NAALADL2: variants seen among roughly 807,000 people sequenced by gnomAD.
The protein encoded by NAALADL2 is N-acetylated alpha-linked acidic dipeptidase like 2.
Under a neutral mutation model 87.2 loss-of-function variants are expected in NAALADL2, and 76 were observed. The observed-to-expected ratio is 0.87, with a 90% CI of 0.72 to 1.05. The LOEUF (loss-of-function observed/expected upper bound fraction) is 1.05. Ranked by LOEUF, NAALADL2 falls within the 50% of genes least tolerant of loss-of-function variation. NAALADL2 has a pLI of 0.00. For synonymous variants in NAALADL2, 354 were observed against 331.0 expected (o/e 1.07, Z -0.75); for missense variants, 1,089 against 945.8 (o/e 1.15, Z -1.99).
chr3:175,473,513 A>G (rs1400261221), intron 9 of NAALADL2, among the ~76,000 whole-genome samples: 1 of 151,962 alleles, frequency 6.6e-6, no homozygotes, highest in African/African-American at 2.4e-5. Context: ...AATTTCAATC[A>G]ATGGGGATTA....
At chr3:175,751,406 G>A (rs1485085513) in intron 12 of NAALADL2, among the ~76,000 whole-genome samples, 3 of 151,034 alleles carry the variant, frequency 2.0e-5, no homozygotes, top group African/African-American at 4.8e-5. Context: ...ACATCTCTGA[G>A]AAAAAAAAAG....
chr3:175,389,674 A>C (rs16825580), intron 5 of NAALADL2, among the ~76,000 whole-genome samples: 1 of 152,166 alleles, frequency 6.6e-6, no homozygotes, highest in Admixed American at 6.5e-5. Context: ...AGAATTTATT[A>C]AGCCTTAAGC....
At chr3:175,517,155 T>G (rs1443486088) in intron 9 of NAALADL2, among the ~76,000 whole-genome samples, 1 of 152,228 alleles carries the variant, frequency 6.6e-6, no homozygotes, top group Non-Finnish European at 1.5e-5. Context: ...TTTATATTTC[T>G]TCCAAAGTTT....
intron 1 of NAALADL2, among the ~76,000 whole-genome samples, chr3:174,486,227 C>G (rs1363315331): frequency 1.3e-5 from 2 of 152,054 alleles, no homozygotes. Context: ...AGGTTAGGCT[C>G]TGGTTAAATA....
chr3:174,627,152 A>T (rs927859492), intron 2 of NAALADL2, among the ~76,000 whole-genome samples: 1 of 152,150 alleles, frequency 6.6e-6, no homozygotes, highest in Non-Finnish European at 1.5e-5. Flanking sequence ...TCTGTAGTAT[A>T]ATAGTATTTT....
intron 1 of NAALADL2, among the ~76,000 whole-genome samples, chr3:174,470,075 AGTGTT>A (rs1716804114): frequency 1.6e-5 from 2 of 126,016 alleles, no homozygotes; most frequent in African/African-American, 5.9e-5. Context: ...AGTTAGTTAC[AGTGTT>A]CTTAACACTA....
At chr3:174,475,694 TC>T (rs776560922) in intron 1 of NAALADL2, among the ~76,000 whole-genome samples, 2 of 151,984 alleles carry the variant, frequency 1.3e-5, no homozygotes, top group Non-Finnish European at 2.9e-5. Flanking sequence ...GAGCTTTTTC[TC>T]AAGGGATTCA....
In NAALADL2 at chr3:175,280,410, A is replaced by G. The variant is rs201637787; in HGVS notation, c.939+23880A>G. On this transcript the variant is annotated intron_variant, in intron 4 of 13. Transcript: ENST00000454872. Reference sequence around the variant, plus strand: ...TATCAAGAAATTAATATACTCATAAAAAAGGTTTAATGTTGTTAGTTTGTG... The same window carrying G: ...TATCAAGAAATTAATATACTCATAAGAAAGGTTTAATGTTGTTAGTTTGTG... 8.5e-5 allele frequency among the ~76,000 whole-genome samples: 13 copies of G among 152,260 alleles called. No individual in the cohort carries two copies. The South Asian group carries it at 1.2e-3, about 15-fold the overall frequency.
intron 9 of NAALADL2, among the ~76,000 whole-genome samples, chr3:175,496,714 C>A (rs1202675285): frequency 6.6e-6 from 1 of 151,930 alleles, no homozygotes; most frequent in African/African-American, 2.4e-5. Flanking sequence ...CCACTACACC[C>A]AGCTATTTTT....
intron 11 of NAALADL2, among the ~76,000 whole-genome samples, chr3:175,720,908 C>T (rs1029007641): frequency 3.3e-5 from 5 of 152,064 alleles, no homozygotes; most frequent in African/African-American, 1.2e-4. Flanking sequence ...ACTGAAAGAA[C>T]TACTGAAGAA....
At position 174,835,992 on chromosome 3, in the gene NAALADL2, T is replaced by C. The variant is rs1723287939; in HGVS notation, c.-9+98246T>C. Reference sequence around the variant, plus strand: ...GACCATATGATCCAAAGGTTTTACTTCTGGTTATATACGTAAAGTAAGTCA... The same window carrying C: ...GACCATATGATCCAAAGGTTTTACTCCTGGTTATATACGTAAAGTAAGTCA... On this transcript the variant is annotated intron_variant, in intron 3 of 3. Coordinates refer to the NAALADL2 transcript ENST00000434257. Among the ~76,000 whole-genome samples the C allele has an allele frequency of 1.3e-5, 2 of 152,198 alleles. 1 individual carries two copies. The highest frequency in any genetic ancestry group is 1.3e-4 in the Admixed American group (2 of 15,276).
At chr3:175,457,312 T>C (rs1722458980) in intron 6 of NAALADL2, among the ~76,000 whole-genome samples, 1 of 152,110 alleles carries the variant, frequency 6.6e-6, no homozygotes, top group Non-Finnish European at 1.5e-5. Context: ...TCTCTGGTGC[T>C]GCTACTACCT....
At chr3:175,080,453 C>G (rs942054529) in intron 1 of NAALADL2, among the ~76,000 whole-genome samples, 1 of 152,154 alleles carries the variant, frequency 6.6e-6, no homozygotes, top group African/African-American at 2.4e-5. Flanking sequence ...TCTACTGTAT[C>G]AATAAGACAA....
At chr3:175,519,457 G>A (rs1560693335) in intron 9 of NAALADL2, among the ~76,000 whole-genome samples, 1 of 152,026 alleles carries the variant, frequency 6.6e-6, no homozygotes, top group Non-Finnish European at 1.5e-5. Context: ...GTTTTGGAAG[G>A]GTCATTCAAA....
intron 9 of NAALADL2, among the ~76,000 whole-genome samples, chr3:175,572,400 T>A (rs1313263553): frequency 1.4e-5 from 2 of 146,392 alleles, no homozygotes; most frequent in Admixed American, 1.4e-4. Flanking sequence ...GCCATCTTAG[T>A]TGGTTTACCA....
At chr3:175,227,692 A>G (rs1355970206) in intron 2 of NAALADL2, among the ~76,000 whole-genome samples, 2 of 151,974 alleles carry the variant, frequency 1.3e-5, no homozygotes, top group Non-Finnish European at 2.9e-5. Context: ...AATAAAATCT[A>G]TTTATTTTAA....
intron 2 of NAALADL2, among the ~76,000 whole-genome samples, chr3:174,633,335 T>C (rs1210236215): frequency 6.6e-6 from 1 of 152,220 alleles, no homozygotes; most frequent in African/African-American, 2.4e-5. Flanking sequence ...AAAGCCTTTA[T>C]GTTTTTACTA....
chr3:175,571,764 A>C (rs1004304772), intron 9 of NAALADL2, among the ~76,000 whole-genome samples: 2 of 152,226 alleles, frequency 1.3e-5, no homozygotes, highest in Non-Finnish European at 2.9e-5. Flanking sequence ...TTTTCTCTTA[A>C]GGGAAATCCC....
At chr3:175,355,020 ATATGTGTG>A (rs1209438772) in intron 5 of NAALADL2, among the ~76,000 whole-genome samples, 35 of 100,660 alleles carry the variant, frequency 3.5e-4, no homozygotes, top group Admixed American at 9.6e-4. Flanking sequence ...TGCTATATAT[ATATGTGTG>A]TGTGTGTGTG....
Sources: gnomAD v4.1 joint callset for allele counts (sites outside exome capture counted in the v4.1 genomes callset) on GRCh38, gnomAD v4.1.1 for gene constraint, MANE v1.5 for transcripts, NCBI Gene and HGNC (gene_info 2026-07-23, HGNC 2026-07-21) for gene names.